NRXN3: variants seen among roughly 807,000 people sequenced by gnomAD.
NRXN3 encodes the protein neurexin III.
A neutral mutation model predicts 137.6 loss-of-function variants in NRXN3; 32 were observed. The ratio of observed to expected loss-of-function variants is 0.23; its 90% CI spans 0.18 to 0.31. The LOEUF (loss-of-function observed/expected upper bound fraction) is 0.31. Among genes scored for constraint, NRXN3 ranks in the 10% least tolerant of loss-of-function variants. NRXN3 has a pLI of 1.00. For synonymous variants in NRXN3, 798 were observed against 784.5 expected (o/e 1.02, Z -0.29); for missense variants, 1,574 against 2,062.5 (o/e 0.76, Z 4.59).
intron 6 of NRXN3, among the ~76,000 whole-genome samples, chr14:78,700,381 G>A (rs541179127): frequency 9.2e-5 from 14 of 152,296 alleles, no homozygotes; most frequent in Non-Finnish European, 1.6e-4. Flanking sequence ...GGCTTCATCT[G>A]GGTTGAGTGG....
chr14:78,230,809 G>A (rs892026393), intron 1 of NRXN3, among the ~76,000 whole-genome samples: 2 of 152,114 alleles, frequency 1.3e-5, no homozygotes, highest in African/African-American at 4.8e-5. Flanking sequence ...GGTCTCAAAG[G>A]CCACAGGGAG....
At chr14:78,785,802 G>A (rs2098787581) in intron 8 of NRXN3, among the ~76,000 whole-genome samples, 2 of 152,074 alleles carry the variant, frequency 1.3e-5, no homozygotes, top group Admixed American at 1.3e-4. Context: ...GCCATAGCAT[G>A]TACCTCCATG....
chr14:78,272,094 T>G (rs1251253562), intron 2 of NRXN3, among the ~76,000 whole-genome samples: 1 of 152,088 alleles, frequency 6.6e-6, no homozygotes, highest in Non-Finnish European at 1.5e-5. Context: ...TTTTTTTTTG[T>G]TTTTTCTTCT....
chr14:79,741,025 A>T (rs993839430), intron 19 of NRXN3, among the ~76,000 whole-genome samples: 1 of 152,038 alleles, frequency 6.6e-6, no homozygotes, highest in Non-Finnish European at 1.5e-5. Context: ...GACTGGAACC[A>T]TCTCAAGGTT....
chr14:78,689,258 A>T (rs1003025630), intron 6 of NRXN3, among the ~76,000 whole-genome samples: 4 of 152,104 alleles, frequency 2.6e-5, no homozygotes, highest in African/African-American at 7.2e-5. Context: ...CTTCATCACC[A>T]TCTTCACTAA....
chr14:79,804,257 A>G (rs1386569560), intron 19 of NRXN3, among the ~76,000 whole-genome samples: 1 of 152,144 alleles, frequency 6.6e-6, no homozygotes, highest in Non-Finnish European at 1.5e-5. Context: ...CTGTAGATTC[A>G]TTCATTCAAT....
At chr14:79,854,466 T>G (rs1181742112) in intron 20 of NRXN3, among the ~76,000 whole-genome samples, 6 of 152,322 alleles carry the variant, frequency 3.9e-5, no homozygotes, top group South Asian at 4.1e-4. Flanking sequence ...TTCATTTGTG[T>G]CGATTTGCTG....
At chr14:78,549,549 A>G (rs1011789588) in intron 4 of NRXN3, among the ~76,000 whole-genome samples, 1 of 152,206 alleles carries the variant, frequency 6.6e-6, no homozygotes, top group Non-Finnish European at 1.5e-5. Flanking sequence ...TTAGACTGTC[A>G]GTGCCTCATC....
chr14:79,659,969 A>G (rs1456884376), intron 16 of NRXN3, among the ~76,000 whole-genome samples: 1 of 152,114 alleles, frequency 6.6e-6, no homozygotes, highest in African/African-American at 2.4e-5. Context: ...AAGTACCATC[A>G]TGTTCATCAT....
At chr14:79,615,640 C>T (rs1020177641) in intron 16 of NRXN3, among the ~76,000 whole-genome samples, 2 of 152,142 alleles carry the variant, frequency 1.3e-5, no homozygotes, top group African/African-American at 4.8e-5. Context: ...GAAACAAACA[C>T]ATCCTTCTTC....
intron 20 of NRXN3, among the ~76,000 whole-genome samples, chr14:79,842,126 A>G (rs2099357072): frequency 6.6e-6 from 1 of 152,194 alleles, no homozygotes; most frequent in African/African-American, 2.4e-5. Context: ...CTCCTGAGTT[A>G]TTACTATGTG....
At position 78,605,544 on chromosome 14, in the gene NRXN3, T is replaced by C. The variant is rs371180947; in HGVS notation, c.758-39576T>C. On this transcript the variant is annotated intron_variant, in intron 4 of 20. Coordinates refer to ENST00000335750, the MANE Select transcript of NRXN3 (RefSeq NM_001330195.2). ...AACCCTGTGAGATTCTGGAATTTAA[T>C]GTCATATAAAAATGCTACTGGGCAA... is the stretch of plus-strand genomic sequence containing the variant. 5.9e-5 allele frequency among the ~76,000 whole-genome samples: 9 copies of C among 152,294 alleles called. No individual in the cohort carries two copies. In the South Asian group the frequency reaches 1.9e-3, roughly 32 times the overall value.
At chr14:79,847,630 A>T (rs970496707) in intron 20 of NRXN3, among the ~76,000 whole-genome samples, 3 of 152,174 alleles carry the variant, frequency 2.0e-5, no homozygotes, top group African/African-American at 7.2e-5. Flanking sequence ...ATGCATCAAG[A>T]TGTTATTAGC....
chr14:79,155,984 A>G lies in NRXN3; in HGVS notation c.3262+167843A>G, dbSNP rs76884046. ...ATATAACCTAAATTTCTGGGAAGTT[A>G]TATCTTTTACATTTATTTTAAAAAT... On this transcript the variant is annotated intron_variant, in intron 15 of 20. Coordinates refer to ENST00000335750, the MANE Select transcript of NRXN3 (RefSeq NM_001330195.2). Among the ~76,000 whole-genome samples, 1,167 of 151,962 alleles carry G rather than the reference A, an allele frequency of 7.7e-3. 19 individuals carry two copies. Among genetic ancestry groups the G allele is most frequent in the African/African-American group, 0.027 (1,130 of 41,510 alleles).
At chr14:78,995,230 T>C (rs1321938871) in intron 15 of NRXN3, among the ~76,000 whole-genome samples, 1 of 152,214 alleles carries the variant, frequency 6.6e-6, no homozygotes, top group Non-Finnish European at 1.5e-5. Flanking sequence ...ATTTCAGGTC[T>C]TCCTTCTTAA....
chr14:78,985,019 A>G (rs1382510620), intron 14 of NRXN3, among the ~76,000 whole-genome samples: 2 of 152,242 alleles, frequency 1.3e-5, no homozygotes, highest in South Asian at 2.1e-4. Context: ...ATCTGATTCT[A>G]CATGGCCTTT....
At chr14:79,224,400 T>G (rs2070422924) in intron 15 of NRXN3, among the ~76,000 whole-genome samples, 1 of 152,222 alleles carries the variant, frequency 6.6e-6, no homozygotes, top group African/African-American at 2.4e-5. Flanking sequence ...CATTTAAAAC[T>G]TTAATAATTA....
chr14:79,802,168 G>T (rs1603538523), intron 19 of NRXN3, among the ~76,000 whole-genome samples: 1 of 151,918 alleles, frequency 6.6e-6, no homozygotes, highest in South Asian at 2.1e-4. Context: ...GTTATGCATT[G>T]TTTTTTAAAC....
intron 15 of NRXN3, among the ~76,000 whole-genome samples, chr14:79,058,766 G>T (rs2099669564): frequency 6.6e-6 from 1 of 151,922 alleles, no homozygotes; most frequent in Non-Finnish European, 1.5e-5. Context: ...GGATCATGAG[G>T]GCGGTTCTCT....
Sources: gnomAD v4.1 joint callset for allele counts (sites outside exome capture counted in the v4.1 genomes callset) on GRCh38, gnomAD v4.1.1 for gene constraint, MANE v1.5 for transcripts, NCBI Gene and HGNC (gene_info 2026-07-23, HGNC 2026-07-21) for gene names.